FHIT: variants seen among roughly 807,000 people sequenced by gnomAD.
FHIT encodes bis(5'-adenosyl)-triphosphatase.
In FHIT, 19 loss-of-function variants were observed where a neutral mutation model predicts 17.9. The ratio of observed to expected loss-of-function variants is 1.06; its 90% confidence interval spans 0.74 to 1.56. The LOEUF (loss-of-function observed/expected upper bound fraction) is 1.56, where lower values mean the gene tolerates loss of function less well. Ranked by LOEUF, FHIT falls within the 40% of genes most tolerant of loss-of-function variation. FHIT has a pLI of 0.00. For missense variants in FHIT, 248 were observed against 189.2 expected, an observed-to-expected ratio of 1.31 and a Z score of -1.82; for synonymous variants, 81 against 69.7, an observed-to-expected ratio of 1.16 and a Z score of -0.81.
intron 5 of FHIT, among the ~76,000 whole-genome samples, chr3:60,269,858 T>G (rs952138215): frequency 6.6e-6 from 1 of 152,190 alleles, no homozygotes; most frequent in Non-Finnish European, 1.5e-5. Flanking sequence ...AACTGCCATT[T>G]CGGTTCATAA....
chr3:60,778,634 G>A (rs374985743), intron 4 of FHIT, among the ~76,000 whole-genome samples: 49 of 152,298 alleles, frequency 3.2e-4, no homozygotes, highest in East Asian at 2.7e-3. Flanking sequence ...AGTTTGAAGC[G>A]TGTTTGTTTC....
At chr3:60,403,362 T>A (rs1701734537) in intron 5 of FHIT, among the ~76,000 whole-genome samples, 1 of 152,106 alleles carries the variant, frequency 6.6e-6, no homozygotes, top group South Asian at 2.1e-4. Context: ...CTGAGAACTA[T>A]CCAGGGACAC....
intron 4 of FHIT, among the ~76,000 whole-genome samples, chr3:60,786,729 T>C (rs1480370929): frequency 6.6e-6 from 1 of 152,228 alleles, no homozygotes; most frequent in Non-Finnish European, 1.5e-5. Flanking sequence ...TATGTCTTTT[T>C]CATCTTTGTA....
intron 5 of FHIT, among the ~76,000 whole-genome samples, chr3:60,045,376 A>G (rs972591484): frequency 4.6e-5 from 7 of 152,022 alleles, no homozygotes; most frequent in Non-Finnish European, 1.0e-4. Context: ...CACTTCTTAC[A>G]TGGATGGCAG....
At chr3:60,539,003 C>A (rs36196206) in intron 4 of FHIT, among the ~76,000 whole-genome samples, 7 of 151,926 alleles carry the variant, frequency 4.6e-5, no homozygotes, top group Admixed American at 1.3e-4. Context: ...AGTGAACAGG[C>A]AACCTACAGA....
intron 8 of FHIT, among the ~76,000 whole-genome samples, chr3:59,881,492 A>G (rs73100647): frequency 0.099 from 15,068 of 152,208 alleles, 749 homozygotes; most frequent in African/African-American, 0.11. Flanking sequence ...AGAGCATCAC[A>G]AGCCCCCTGT....
intron 4 of FHIT, among the ~76,000 whole-genome samples, chr3:60,718,410 A>G (rs1272382169): frequency 6.6e-6 from 1 of 152,220 alleles, no homozygotes; most frequent in Non-Finnish European, 1.5e-5. Context: ...CAAAGAAACA[A>G]AAGCACAACT....
At chr3:60,574,569 A>G (rs2037502507) in intron 4 of FHIT, among the ~76,000 whole-genome samples, 1 of 151,760 alleles carries the variant, frequency 6.6e-6, no homozygotes, top group Non-Finnish European at 1.5e-5. Flanking sequence ...GCCCCCTCCT[A>G]ATCCCTCAAG....
At chr3:59,912,618 A>G (rs887999914) in intron 8 of FHIT, among the ~76,000 whole-genome samples, 1 of 152,244 alleles carries the variant, frequency 6.6e-6, no homozygotes, top group African/African-American at 2.4e-5. Flanking sequence ...TTTCATATAT[A>G]GATTTGACCT....
intron 5 of FHIT, among the ~76,000 whole-genome samples, chr3:60,181,972 T>C (rs1010742409): frequency 1.3e-5 from 2 of 152,156 alleles, no homozygotes; most frequent in African/African-American, 4.8e-5. Context: ...ACAGCCTAGA[T>C]AAATGGGATC....
At chr3:60,232,861 G>A (rs866458556) in intron 5 of FHIT, among the ~76,000 whole-genome samples, 24 of 152,272 alleles carry the variant, frequency 1.6e-4, no homozygotes, top group Middle Eastern at 6.8e-3. Flanking sequence ...ACTCTCCTGC[G>A]TACAACTCCA....
chr3:59,959,899 T>C (rs986670313), intron 7 of FHIT, among the ~76,000 whole-genome samples: 2 of 151,942 alleles, frequency 1.3e-5, no homozygotes, highest in African/African-American at 4.8e-5. Flanking sequence ...GGAAGGCAGG[T>C]GAAAGAATGG....
At chr3:59,765,648 A>AAGAT (rs1439425465) in intron 8 of FHIT, among the ~76,000 whole-genome samples, 2 of 152,202 alleles carry the variant, frequency 1.3e-5, no homozygotes, top group South Asian at 2.1e-4. Flanking sequence ...TGCGGTTGAG[A>AAGAT]AGATATACTG....
intron 5 of FHIT, among the ~76,000 whole-genome samples, chr3:60,368,840 C>G (rs1055657556): frequency 6.6e-6 from 1 of 151,906 alleles, no homozygotes; most frequent in African/African-American, 2.4e-5. Context: ...CAAAATAGTT[C>G]TTTTTCTTAG....
At chr3:60,295,888 T>C (rs1708183000) in intron 5 of FHIT, among the ~76,000 whole-genome samples, 2 of 152,212 alleles carry the variant, frequency 1.3e-5, no homozygotes, top group South Asian at 2.1e-4. Flanking sequence ...CCAAATCTCA[T>C]CTTGAATTGT....
rs933680500 is a variant in FHIT, at chr3:61,028,007, T to G, written c.-111+14040A>C. Among the ~76,000 whole-genome samples, 5 of 152,192 alleles carry G rather than the reference T, an allele frequency of 3.3e-5. No homozygotes were observed. In the East Asian group the frequency reaches 9.6e-4, roughly 29 times the overall value. On this transcript the variant is annotated intron_variant, in intron 3 of 9. Coordinates refer to ENST00000492590, the MANE Select transcript of FHIT (RefSeq NM_002012.4). ...CAGCATACCACTAAATTGACCATTA[T>G]TTTAAACTAAGAGGAACCTAGAAGC... is the stretch of plus-strand genomic sequence containing the variant.
At chr3:60,583,827 C>A (rs2037822520) in intron 4 of FHIT, among the ~76,000 whole-genome samples, 1 of 151,828 alleles carries the variant, frequency 6.6e-6, no homozygotes, top group Non-Finnish European at 1.5e-5. Flanking sequence ...ATACCATCAG[C>A]TAGTATTTCA....
chr3:60,207,029 A>T (rs1703225951), intron 5 of FHIT, among the ~76,000 whole-genome samples: 1 of 152,166 alleles, frequency 6.6e-6, no homozygotes, highest in East Asian at 1.9e-4. Flanking sequence ...GTGGGATGAA[A>T]GTGATCTTTA....
At chr3:61,138,997 T>C (rs533616513) in intron 2 of FHIT, among the ~76,000 whole-genome samples, 6 of 151,026 alleles carry the variant, frequency 4.0e-5, no homozygotes, top group Admixed American at 6.6e-5. Flanking sequence ...TACTAGCCCA[T>C]AAATAAAGCC....
Sources: gnomAD v4.1 joint callset for allele counts (sites outside exome capture counted in the v4.1 genomes callset) on GRCh38, gnomAD v4.1.1 for gene constraint, MANE v1.5 for transcripts, NCBI Gene and HGNC (gene_info 2026-07-23, HGNC 2026-07-21) for gene names.